The following GRM7 variants were observed in gnomAD, a reference collection of about 807,000 sequenced individuals.
GRM7 encodes the protein metabotropic glutamate receptor 7.
A neutral mutation model predicts 84.5 loss-of-function variants in GRM7; 35 were observed. That is an observed-to-expected ratio of 0.41 (90% CI 0.32 to 0.55). The LOEUF (loss-of-function observed/expected upper bound fraction) is 0.55. Among genes scored for constraint, GRM7 ranks in the 20% least tolerant of loss-of-function variants. The pLI, the probability that GRM7 is intolerant of heterozygous loss-of-function variation, is 0.19. For missense variants in GRM7, 1,003 were observed against 1,194.6 expected, an observed-to-expected ratio of 0.84 and a Z score of 2.36; for synonymous variants, 487 against 455.1, an observed-to-expected ratio of 1.07 and a Z score of -0.89.
chr3:7,614,120 C>T (rs1267291130), intron 8 of GRM7, among the ~76,000 whole-genome samples: 2 of 152,010 alleles, frequency 1.3e-5, no homozygotes, highest in African/African-American at 2.4e-5. Flanking sequence ...CAAAAATTAG[C>T]CGGGCATGGT....
At chr3:7,506,535 A>C (rs371064230) in intron 7 of GRM7, among the ~76,000 whole-genome samples, 100 of 152,256 alleles carry the variant, frequency 6.6e-4, no homozygotes, top group African/African-American at 2.4e-3. Flanking sequence ...TTTCTGTCTT[A>C]ATTTGTTTTC....
chr3:7,212,260 G>T, intron 2 of GRM7, among the ~76,000 whole-genome samples: 1 of 144,816 alleles, frequency 6.9e-6, no homozygotes, highest in Non-Finnish European at 1.5e-5. Context: ...TTTCATTTCT[G>T]CCTAATGGTA....
chr3:7,705,112 C>T (rs73023759), intron 9 of GRM7, among the ~76,000 whole-genome samples: 6,548 of 152,118 alleles, frequency 0.043, 215 homozygotes, highest in South Asian at 0.12. Flanking sequence ...ATACTCTACA[C>T]ATTTCTGAAG....
chr3:7,581,346 G>A (rs1329880232), intron 8 of GRM7, among the ~76,000 whole-genome samples: 1 of 152,134 alleles, frequency 6.6e-6, no homozygotes, highest in Non-Finnish European at 1.5e-5. Context: ...TTATACCAGA[G>A]TTTTAGAAGG....
At chr3:7,139,296 G>T (rs1469044283) in intron 1 of GRM7, among the ~76,000 whole-genome samples, 2 of 151,626 alleles carry the variant, frequency 1.3e-5, no homozygotes, top group Non-Finnish European at 3.0e-5. Flanking sequence ...GTTCTACAAT[G>T]ATATTAGAAT....
intron 2 of GRM7, among the ~76,000 whole-genome samples, chr3:7,168,607 T>A (rs552747640): frequency 6.6e-6 from 1 of 152,174 alleles, no homozygotes; most frequent in Non-Finnish European, 1.5e-5. Flanking sequence ...GTTTAAGCCC[T>A]TCAATGTATG....
intron 1 of GRM7, among the ~76,000 whole-genome samples, chr3:6,971,804 C>T (rs1185224831): frequency 1.3e-5 from 2 of 152,010 alleles, no homozygotes; most frequent in African/African-American, 4.8e-5. Context: ...GAGAAAGTCA[C>T]ATTGAATAAA....
intron 1 of GRM7, among the ~76,000 whole-genome samples, chr3:7,019,966 G>GA (rs1476572720): frequency 2.0e-5 from 3 of 152,130 alleles, no homozygotes; most frequent in Non-Finnish European, 4.4e-5. Flanking sequence ...GTCCGCAAAG[G>GA]AAAAATAAAA....
chr3:6,958,663 G>A (rs1034404293), intron 1 of GRM7, among the ~76,000 whole-genome samples: 10 of 152,062 alleles, frequency 6.6e-5, no homozygotes, highest in African/African-American at 2.4e-4. Context: ...GAGAGTTGAA[G>A]CTGAGTTAAA....
At chr3:7,329,766 G>C (rs1297583129) in intron 4 of GRM7, among the ~76,000 whole-genome samples, 2 of 151,910 alleles carry the variant, frequency 1.3e-5, no homozygotes, top group Non-Finnish European at 2.9e-5. Context: ...TTAAACTTAT[G>C]TTCATATATC....
At position 7,525,564 on chromosome 3, in the gene GRM7, G is replaced by A. The variant is rs1700761972; in HGVS notation, c.1516-52858G>A. 2.0e-5 allele frequency among the ~76,000 whole-genome samples: 3 copies of A among 152,042 alleles called. No individual in the cohort carries two copies. The South Asian group carries it at 6.2e-4, about 32-fold the overall frequency. ...TTTATGTTCATGTGTGTGTATGTAT[G>A]AATGAATTATTTAGGGGGTACATGT... On this transcript the variant is annotated intron_variant, in intron 7 of 9. Coordinates refer to ENST00000357716, the MANE Select transcript of GRM7 (RefSeq NM_000844.4).
intron 1 of GRM7, among the ~76,000 whole-genome samples, chr3:7,068,180 G>A (rs1697734790): frequency 6.6e-6 from 1 of 151,966 alleles, no homozygotes; most frequent in African/African-American, 2.4e-5. Context: ...AGTGATTACT[G>A]ATAGAATAAA....
chr3:7,291,079 C>G (rs1456495635), intron 2 of GRM7, among the ~76,000 whole-genome samples: 2 of 152,076 alleles, frequency 1.3e-5, no homozygotes, highest in Non-Finnish European at 2.9e-5. Flanking sequence ...CACCCTCTTC[C>G]CAGCATCCTC....
chr3:7,367,615 CATA>C (rs199749080), intron 4 of GRM7, among the ~76,000 whole-genome samples: 2 of 151,592 alleles, frequency 1.3e-5, no homozygotes, highest in South Asian at 4.2e-4. Context: ...GAGGGCCCTG[CATA>C]ATAATAATAT....
At chr3:7,574,310 C>T (rs1448458098) in intron 7 of GRM7, among the ~76,000 whole-genome samples, 2 of 151,922 alleles carry the variant, frequency 1.3e-5, no homozygotes, top group African/African-American at 2.4e-5. Flanking sequence ...CAGGTGCCCA[C>T]CCCCATGCCT....
At chr3:7,305,224 CCTCTTATCTA>C (rs1220672089) in intron 3 of GRM7, among the ~76,000 whole-genome samples, 1 of 152,042 alleles carries the variant, frequency 6.6e-6, no homozygotes, top group Non-Finnish European at 1.5e-5. Flanking sequence ...AGTTTTAACA[CCTCTTATCTA>C]CCTTTTACTA....
At chr3:7,383,832 A>C (rs954364685) in intron 4 of GRM7, among the ~76,000 whole-genome samples, 3 of 152,198 alleles carry the variant, frequency 2.0e-5, no homozygotes, top group Non-Finnish European at 4.4e-5. Flanking sequence ...TATTTTAATT[A>C]ACGTTAATGT....
intron 1 of GRM7, among the ~76,000 whole-genome samples, chr3:7,141,425 C>G (rs1693940251): frequency 6.6e-6 from 1 of 151,762 alleles, no homozygotes; most frequent in Non-Finnish European, 1.5e-5. Flanking sequence ...TTAGGAAGAG[C>G]AAGAATGAAC....
chr3:6,877,421 G>T (rs1384222212), intron 1 of GRM7, among the ~76,000 whole-genome samples: 2 of 152,148 alleles, frequency 1.3e-5, no homozygotes, highest in African/African-American at 4.8e-5. Flanking sequence ...TATGTTCATG[G>T]ACTTCATGGT....
Sources: allele counts gnomAD v4.1 joint callset (sites outside exome capture counted in the v4.1 genomes callset), GRCh38; gene constraint gnomAD v4.1.1; transcripts MANE v1.5; gene names NCBI Gene and HGNC (gene_info 2026-07-23, HGNC 2026-07-21).